Variants in COL25A1 observed in about 807,000 individuals in gnomAD.
COL25A1 encodes the protein collagen type XXV alpha 1 chain.
A neutral mutation model predicts 128.4 loss-of-function variants in COL25A1; 103 were observed. The observed-to-expected ratio is 0.80, with a 90% CI of 0.68 to 0.94. The LOEUF is 0.94. Among genes scored for constraint, COL25A1 ranks in the 40% least tolerant of loss-of-function variants. The pLI is 0.00. For synonymous variants in COL25A1, 279 were observed against 277.2 expected (o/e 1.01, Z -0.06); for missense variants, 745 against 840.0 (o/e 0.89, Z 1.40).
At chr4:108,977,224 G>T (rs1026385720) in intron 6 of COL25A1, among the ~76,000 whole-genome samples, 1 of 152,170 alleles carries the variant, frequency 6.6e-6, no homozygotes, top group Non-Finnish European at 1.5e-5. Flanking sequence ...AGAGAAAGGG[G>T]AATAGAGGAG....
At chr4:109,246,788 G>A (rs1780295072) in intron 3 of COL25A1, among the ~76,000 whole-genome samples, 1 of 151,856 alleles carries the variant, frequency 6.6e-6, no homozygotes, top group Non-Finnish European at 1.5e-5. Context: ...AATCATTAAG[G>A]AGGAGGCCTC....
rs551998785 is a variant in COL25A1, at chr4:108,846,357, TAG to T, written c.1435-140_1435-139del. 6.0e-4 allele frequency: 391 copies of T among 647,668 alleles called. 1 individual carries two copies. The highest frequency in any genetic ancestry group is 5.7e-3 in the African/African-American group (317 of 55,594). 40.1% of individuals were successfully genotyped at this position (647,668 alleles called of 1,614,324 possible). A position where few individuals can be genotyped will look rare whatever the true frequency, so the allele number is the denominator to read the frequency against. ...GATGATTCTGATTTTTGTTTTTAGGTAGAGTTATTTCTTACAGCAACCTTCTA... is the reference window on the plus strand; with the variant it reads ...GATGATTCTGATTTTTGTTTTTAGGTAGTTATTTCTTACAGCAACCTTCTA... On this transcript the variant is annotated intron_variant, in intron 27 of 37. Coordinates refer to ENST00000399132, the MANE Select transcript of COL25A1 (RefSeq NM_198721.4).
intron 32 of COL25A1, among the ~76,000 whole-genome samples, chr4:108,831,418 A>T (rs906176290): frequency 6.6e-6 from 1 of 152,170 alleles, no homozygotes; most frequent in Non-Finnish European, 1.5e-5. Flanking sequence ...ATTGGAAGGT[A>T]TGTTAAAGAA....
intron 3 of COL25A1, among the ~76,000 whole-genome samples, chr4:109,080,649 C>T (rs1057319465): frequency 3.3e-5 from 5 of 152,180 alleles, no homozygotes; most frequent in African/African-American, 7.2e-5. Flanking sequence ...ATGTTGAACC[C>T]GGGGTTCTAA....
chr4:109,226,847 C>T (rs910766413), intron 3 of COL25A1, among the ~76,000 whole-genome samples: 5 of 152,068 alleles, frequency 3.3e-5, no homozygotes. Context: ...ATAATATACA[C>T]ATTTTTGCAA....
chr4:108,989,335 T>G (rs1416658854), intron 6 of COL25A1, among the ~76,000 whole-genome samples: 1 of 152,216 alleles, frequency 6.6e-6, no homozygotes, highest in Non-Finnish European at 1.5e-5. Context: ...TAGTAATGTT[T>G]CCTTCACAAA....
At chr4:109,086,980 G>A (rs1014103642) in intron 3 of COL25A1, among the ~76,000 whole-genome samples, 1 of 152,110 alleles carries the variant, frequency 6.6e-6, no homozygotes, top group Non-Finnish European at 1.5e-5. Context: ...ACAAGAAAAG[G>A]GTCAACAGAC....
intron 8 of COL25A1, among the ~76,000 whole-genome samples, chr4:108,972,376 A>C (rs1314168650): frequency 6.6e-6 from 1 of 152,196 alleles, no homozygotes; most frequent in Non-Finnish European, 1.5e-5. Context: ...AAACTTTTCC[A>C]GTTCTTGCTT....
chr4:109,199,947 G>T (rs141842263), intron 3 of COL25A1, among the ~76,000 whole-genome samples: 451 of 152,296 alleles, frequency 3.0e-3, no homozygotes, highest in Non-Finnish European at 4.6e-3. Flanking sequence ...CTGTCAGCAA[G>T]AAATACACCT....
chr4:109,142,777 C>T (rs535785958), intron 3 of COL25A1, among the ~76,000 whole-genome samples: 1 of 151,954 alleles, frequency 6.6e-6, no homozygotes, highest in South Asian at 2.1e-4. Context: ...CTTCCTCCAT[C>T]CCTTTATTTT....
intron 20 of COL25A1, among the ~76,000 whole-genome samples, chr4:108,864,049 C>T (rs559618889): frequency 6.6e-6 from 1 of 152,242 alleles, no homozygotes; most frequent in South Asian, 2.1e-4. Flanking sequence ...CCTCATAAAT[C>T]CCCACTCATC....
intron 5 of COL25A1, 79 bp from the exon 6 acceptor site, chr4:109,010,454 G>C (rs1226543109): frequency 2.1e-6 from 2 of 954,528 alleles, no homozygotes; most frequent in East Asian, 2.7e-5. Context: ...ACTGAAACTA[G>C]TTCTGGAAAT....
At chr4:108,863,744 G>T (rs555648204) in intron 20 of COL25A1, among the ~76,000 whole-genome samples, 5 of 152,214 alleles carry the variant, frequency 3.3e-5, no homozygotes, top group African/African-American at 1.2e-4. Context: ...ATCTGCTGGG[G>T]GCCCAGATAG....
intron 3 of COL25A1, among the ~76,000 whole-genome samples, chr4:109,224,747 CG>C (rs887213707): frequency 2.2e-4 from 34 of 152,076 alleles, no homozygotes; most frequent in Middle Eastern, 6.8e-3. Flanking sequence ...AGAGATCAGC[CG>C]GACCAACATG....
chr4:109,080,254 C>T (rs939683629), intron 3 of COL25A1, among the ~76,000 whole-genome samples: 6 of 152,060 alleles, frequency 3.9e-5, no homozygotes, highest in African/African-American at 1.4e-4. Flanking sequence ...AATTTCTTAA[C>T]TAATTATTAA....
chr4:109,087,228 GTTTC>G (rs1168765024), intron 3 of COL25A1, among the ~76,000 whole-genome samples: 1 of 151,394 alleles, frequency 6.6e-6, no homozygotes, highest in African/African-American at 2.4e-5. Context: ...TGGCATTACT[GTTTC>G]TTTTAGCGTG....
intron 11 of COL25A1, among the ~76,000 whole-genome samples, chr4:108,934,398 T>C (rs756480465): frequency 6.6e-5 from 10 of 152,094 alleles, no homozygotes; most frequent in Non-Finnish European, 1.3e-4. Context: ...GATGAGTTGA[T>C]GGGTGCAGCA....
chr4:109,196,466 A>G (rs926956399), intron 3 of COL25A1, among the ~76,000 whole-genome samples: 1 of 152,186 alleles, frequency 6.6e-6, no homozygotes, highest in Non-Finnish European at 1.5e-5. Flanking sequence ...CATAGAGAGT[A>G]TATGTTAGAT....
At chr4:109,095,262 T>C (rs1186342740) in intron 3 of COL25A1, among the ~76,000 whole-genome samples, 2 of 152,228 alleles carry the variant, frequency 1.3e-5, no homozygotes, top group African/African-American at 4.8e-5. Flanking sequence ...GCAGTAACAA[T>C]TCATTCCACT....
Sources: gnomAD v4.1 joint callset for allele counts (sites outside exome capture counted in the v4.1 genomes callset) on GRCh38, gnomAD v4.1.1 for gene constraint, MANE v1.5 for transcripts, NCBI Gene and HGNC (gene_info 2026-07-23, HGNC 2026-07-21) for gene names.